Variants in PREX1 observed in about 807,000 individuals in gnomAD.
The protein encoded by PREX1 is phosphatidylinositol 3,4,5-trisphosphate-dependent Rac exchanger 1 protein.
PREX1 carries 41 observed loss-of-function variants against 198.3 expected under a neutral mutation model. The ratio of observed to expected loss-of-function variants is 0.21; its 90% CI spans 0.16 to 0.27. The LOEUF (loss-of-function observed/expected upper bound fraction) is 0.27. Among genes scored for constraint, PREX1 ranks in the 10% least tolerant of loss-of-function variants. The probability of loss-of-function intolerance (pLI) is 1.00; values close to 1 mark genes in which losing one functional copy is unlikely to be tolerated. For missense variants in PREX1, 1,620 were observed against 2,200.7 expected, an observed-to-expected ratio of 0.74 and a Z score of 5.28; for synonymous variants, 843 against 887.2, an observed-to-expected ratio of 0.95 and a Z score of 0.89.
At chr20:48,694,370 C>T (rs1206019448) in intron 7 of PREX1, among the ~76,000 whole-genome samples, 1 of 152,188 alleles carries the variant, frequency 6.6e-6, no homozygotes, top group Non-Finnish European at 1.5e-5. Flanking sequence ...ATCCAACAAG[C>T]ATGTGGAGAA....
intron 31 of PREX1, among the ~76,000 whole-genome samples, chr20:48,637,449 C>A (rs2089373569): frequency 6.6e-6 from 1 of 152,232 alleles, no homozygotes; most frequent in African/African-American, 2.4e-5. Context: ...GGCACAAGGC[C>A]CCCTAACATC....
chr20:48,685,144 G>A (rs1274481705), intron 10 of PREX1, among the ~76,000 whole-genome samples: 2 of 152,156 alleles, frequency 1.3e-5, no homozygotes, highest in Non-Finnish European at 2.9e-5. Context: ...ACCTCTATGA[G>A]GGCAGGGACT....
At chr20:48,636,013 G>A (rs1026498486) in intron 32 of PREX1, among the ~76,000 whole-genome samples, 1 of 152,142 alleles carries the variant, frequency 6.6e-6, no homozygotes, top group African/African-American at 2.4e-5. Context: ...CCAGCAGCAG[G>A]GGCTCCAGGA....
the PREX1 span, among the ~76,000 whole-genome samples, chr20:48,886,406 G>A: frequency 2.0e-5 from 3 of 152,150 alleles, no homozygotes; most frequent in African/African-American, 7.2e-5. Context: ...GCTAAGAACA[G>A]AAGCCTGGCA....
At chr20:48,858,185 G>C in the PREX1 span, among the ~76,000 whole-genome samples, 1 of 152,218 alleles carries the variant, frequency 6.6e-6, no homozygotes, top group Admixed American at 6.5e-5. Context: ...CAGAGCCAAG[G>C]CTCACAGGCC....
intron 10 of PREX1, among the ~76,000 whole-genome samples, chr20:48,682,019 T>C (rs2089754640): frequency 6.6e-6 from 1 of 152,000 alleles, no homozygotes; most frequent in Admixed American, 6.6e-5. Flanking sequence ...ACAGGCTTAC[T>C]ACTCACAAAA....
the PREX1 span, among the ~76,000 whole-genome samples, chr20:48,863,141 T>C: frequency 7.2e-5 from 11 of 152,176 alleles, no homozygotes; most frequent in Non-Finnish European, 1.3e-4. Context: ...ACTTTATTTT[T>C]TCAGAGAATT....
chr20:48,671,359 A>C (rs533118950), intron 14 of PREX1, among the ~76,000 whole-genome samples: 2 of 152,360 alleles, frequency 1.3e-5, no homozygotes, highest in Admixed American at 1.3e-4. Flanking sequence ...GAGGCAACTC[A>C]TAAGAAGATA....
chr20:48,634,135 C>CATGGGTGGGTGGATGGATGG (rs2089340448), intron 33 of PREX1, among the ~76,000 whole-genome samples: 1 of 116,936 alleles, frequency 8.6e-6, no homozygotes, highest in African/African-American at 3.0e-5. Context: ...TGCATGGACA[C>CATGGGTGGGTGGATGGATGG]ATGGGTGGGT....
intron 7 of PREX1, 133 bp from the exon 8 acceptor site, chr20:48,692,923 G>T: frequency 1.4e-6 from 1 of 737,600 alleles, no homozygotes; most frequent in Non-Finnish European, 2.4e-6. Flanking sequence ...GGGGTCAGGA[G>T]CAGGAGTGTT....
chr20:48,762,307 C>T (rs1568854720), intron 1 of PREX1, among the ~76,000 whole-genome samples: 2 of 152,138 alleles, frequency 1.3e-5, no homozygotes, highest in Non-Finnish European at 2.9e-5. Flanking sequence ...GAGTGGGATT[C>T]TAGCAGAGAT....
chr20:48,870,988 C>T, the PREX1 span, among the ~76,000 whole-genome samples: 1 of 26,330 alleles, frequency 3.8e-5, no homozygotes, highest in African/African-American at 1.7e-4. Context: ...ACCATATTTA[C>T]TTCTGTTCTT....
intron 1 of PREX1, among the ~76,000 whole-genome samples, chr20:48,789,245 T>G (rs2090326593): frequency 6.6e-6 from 1 of 152,178 alleles, no homozygotes; most frequent in Admixed American, 6.5e-5. Context: ...TTCACCCAAC[T>G]TCACAGTGCG....
intron 11 of PREX1, among the ~76,000 whole-genome samples, chr20:48,680,535 G>A (rs764866359): frequency 2.6e-5 from 4 of 151,980 alleles, no homozygotes; most frequent in South Asian, 2.1e-4. Context: ...CTCTGACCTC[G>A]TCTCCTACCA....
rs6019395 is a variant in PREX1 at position 48,743,999 on chromosome 20, A to G, written c.414+1026T>C. ...TTGGAGAAGTGAGTTAGTGATGATG[A>G]TGATGATGATGATGATGATGATGAT... On this transcript the variant is annotated intron_variant, in intron 3 of 39. Coordinates refer to ENST00000371941, the MANE Select transcript of PREX1 (RefSeq NM_020820.4). Among the ~76,000 whole-genome samples, 459 of 145,370 alleles carry G rather than the reference A, an allele frequency of 3.2e-3. 5 individuals carry two copies. The East Asian group carries it at 0.045, about 14-fold the overall frequency.
At chr20:48,627,765 G>A (rs2089284316) in intron 38 of PREX1, 96 bp downstream of exon 38, 1 of 1,401,464 alleles carries the variant, frequency 7.1e-7, no homozygotes, top group East Asian at 2.4e-5. Context: ...TCAGGTCTGG[G>A]GCTGGTGGCT....
the PREX1 span, among the ~76,000 whole-genome samples, chr20:48,843,202 CA>C: frequency 1.3e-5 from 2 of 152,304 alleles, no homozygotes; most frequent in East Asian, 3.9e-4. Flanking sequence ...CAAACCAGTT[CA>C]GGGAAAATAC....
In PREX1 at chr20:48,747,804, C is replaced by T; in HGVS notation, c.291+5G>A. 6.2e-7 allele frequency: 1 copy of T among 1,611,976 alleles called. No homozygotes were observed. The highest frequency in any genetic ancestry group is 8.5e-7 in the Non-Finnish European group (1 of 1,178,660). Reference sequence around the variant, plus strand: ...TAGAACAGGGGCCAGCCCCAGCGTCCACACCTTGACATTCTCCTCCGTGAG... The same window carrying T: ...TAGAACAGGGGCCAGCCCCAGCGTCTACACCTTGACATTCTCCTCCGTGAG... On this transcript the variant is annotated splice_donor_5th_base_variant and intron_variant, in intron 2 of 39. Coordinates refer to ENST00000371941, the MANE Select transcript of PREX1 (RefSeq NM_020820.4).
At chr20:48,790,119 C>T (rs368683240) in intron 1 of PREX1, among the ~76,000 whole-genome samples, 4 of 152,166 alleles carry the variant, frequency 2.6e-5, no homozygotes, top group African/African-American at 9.7e-5. Flanking sequence ...GGGCATGTGA[C>T]AAAACCTCTC....
Sources: allele counts gnomAD v4.1 joint callset (sites outside exome capture counted in the v4.1 genomes callset), GRCh38; gene constraint gnomAD v4.1.1; transcripts MANE v1.5; gene names NCBI Gene and HGNC (gene_info 2026-07-23, HGNC 2026-07-21).